PDE1C: variants seen among roughly 807,000 people sequenced by gnomAD.
The protein encoded by PDE1C is dual specificity calcium/calmodulin-dependent 3',5'-cyclic nucleotide phosphodiesterase 1C.
PDE1C carries 62 observed loss-of-function variants against 93.1 expected under a neutral mutation model. That is an observed-to-expected ratio of 0.67 (90% CI 0.54 to 0.82). The LOEUF is 0.82. PDE1C is among the 40% of genes least tolerant of loss of function. PDE1C has a pLI of 0.00. For missense variants in PDE1C, 742 were observed against 884.6 expected, an observed-to-expected ratio of 0.84 and a Z score of 2.04; for synonymous variants, 325 against 310.1, an observed-to-expected ratio of 1.05 and a Z score of -0.50.
At chr7:31,756,542 A>T (rs1264547812) in intron 17 of PDE1C, among the ~76,000 whole-genome samples, 3 of 152,158 alleles carry the variant, frequency 2.0e-5, no homozygotes, top group Non-Finnish European at 4.4e-5. Context: ...GAAAAATGAC[A>T]CTGGGTAACA....
chr7:31,694,229 C>T, the PDE1C span, among the ~76,000 whole-genome samples: 1 of 152,034 alleles, frequency 6.6e-6, no homozygotes. Context: ...GGAGTTAATA[C>T]AGATACATTT....
chr7:32,215,254 A>G (rs551421991), intron 1 of PDE1C, among the ~76,000 whole-genome samples: 24 of 152,252 alleles, frequency 1.6e-4, no homozygotes, highest in Non-Finnish European at 2.9e-4. Context: ...TGAACTGTGC[A>G]TGTGAGGGAT....
In PDE1C at chr7:32,084,408, C is replaced by T. The variant is rs1183791797; in HGVS notation, c.308+85377G>A. On this transcript the variant is annotated intron_variant, in intron 3 of 18. Coordinates refer to the PDE1C transcript ENST00000396193. ...ACTCCCACACAATAATAATGGGAGA[C>T]TTTAACACCCCACTGTCAACATTAG... Among the ~76,000 whole-genome samples, 44 of 149,000 alleles carry T rather than the reference C, an allele frequency of 3.0e-4. No homozygotes were observed. The East Asian group carries it at 8.7e-3, about 29-fold the overall frequency.
At chr7:31,892,878 T>G (rs983068881) in intron 2 of PDE1C, among the ~76,000 whole-genome samples, 1 of 152,134 alleles carries the variant, frequency 6.6e-6, no homozygotes, top group Non-Finnish European at 1.5e-5. Flanking sequence ...AATAATATAT[T>G]ATGTATTTCA....
chr7:32,135,537 A>T (rs1584829742), intron 3 of PDE1C, among the ~76,000 whole-genome samples: 2 of 152,218 alleles, frequency 1.3e-5, no homozygotes, highest in African/African-American at 4.8e-5. Flanking sequence ...AACATTACTA[A>T]CCATCAGAGA....
chr7:31,678,789 T>C, the PDE1C span, among the ~76,000 whole-genome samples: 2 of 152,184 alleles, frequency 1.3e-5, no homozygotes, highest in Non-Finnish European at 2.9e-5. Flanking sequence ...TGCTTTCTTT[T>C]CCAGTATATG....
At chr7:32,166,098 C>T (rs1802248681) in intron 3 of PDE1C, among the ~76,000 whole-genome samples, 1 of 151,552 alleles carries the variant, frequency 6.6e-6, no homozygotes, top group African/African-American at 2.4e-5. Flanking sequence ...TGTTATTTAG[C>T]TTGATTTAAT....
chr7:31,695,421 C>A, the PDE1C span: 3 of 1,526,760 alleles, frequency 2.0e-6, no homozygotes, highest in South Asian at 1.3e-5. Flanking sequence ...GTGACTGGAT[C>A]CTTAATCATG....
rs1297839038 is a variant in PDE1C at position 31,788,968 on chromosome 7, T to C, written c.1892-13236A>G. 42 of 152,172 alleles carry C rather than the reference T, an allele frequency of 2.8e-4. 1 individual carries two copies. Among genetic ancestry groups the C allele is most frequent in the Admixed American group, 2.7e-3 (42 of 15,274 alleles). The allele number at this position is 152,172 out of a possible 1,614,324, so 9.4% of individuals were successfully genotyped here. ...CCTTAGTAATAAAAGGACGTTTAAA[T>C]ATCTGTTCTCGTGCTTTTTCATGTA... On this transcript the variant is annotated intron_variant, in intron 16 of 17. Transcript: ENST00000396191.
rs145935778 is a variant in PDE1C at position 32,408,728 on chromosome 7, G to T, written c.310+19094C>A. On this transcript the variant is annotated intron_variant, in intron 1 of 1. Transcript: ENST00000672256. ...CGCTTGAACCCAGGAGGCGAAGGTT[G>T]CAGTGGGCCAAGATTATGCTGCTGC... Among the ~76,000 whole-genome samples the T allele has an allele frequency of 4.2e-3, 647 of 152,280 alleles. 2 individuals are homozygous for T. The highest frequency in any genetic ancestry group is 0.014 in the Middle Eastern group (4 of 294).
chr7:31,644,403 T>C, the PDE1C span, among the ~76,000 whole-genome samples: 1 of 152,246 alleles, frequency 6.6e-6, no homozygotes, highest in Non-Finnish European at 1.5e-5. Context: ...TAGGATTAAA[T>C]AAGAAGAACC....
intron 2 of PDE1C, among the ~76,000 whole-genome samples, chr7:31,927,928 T>C (rs1466369268): frequency 6.6e-6 from 1 of 151,954 alleles, no homozygotes; most frequent in East Asian, 1.9e-4. Context: ...CACAACTGGA[T>C]GGAGAATGAG....
chr7:31,942,016 G>C (rs572802373), intron 2 of PDE1C, among the ~76,000 whole-genome samples: 3 of 152,262 alleles, frequency 2.0e-5, no homozygotes, highest in East Asian at 3.9e-4. Flanking sequence ...CACCATAAAT[G>C]AGATATCATT....
At chr7:31,634,669 G>A in the PDE1C span, among the ~76,000 whole-genome samples, 1 of 152,152 alleles carries the variant, frequency 6.6e-6, no homozygotes, top group Non-Finnish European at 1.5e-5. Flanking sequence ...CAGGATGGGG[G>A]AACCAGCAGT....
At chr7:32,402,542 G>A (rs1371680558) in intron 1 of PDE1C, among the ~76,000 whole-genome samples, 2 of 152,090 alleles carry the variant, frequency 1.3e-5, no homozygotes, top group Non-Finnish European at 2.9e-5. Flanking sequence ...CAGACTGGAC[G>A]ATGCCCACCC....
chr7:32,117,514 T>C (rs563258403), intron 3 of PDE1C, among the ~76,000 whole-genome samples: 1 of 152,330 alleles, frequency 6.6e-6, no homozygotes, highest in South Asian at 2.1e-4. Context: ...GACTACAGTA[T>C]AGAACCCTTT....
At chr7:31,620,741 T>C in the PDE1C span, among the ~76,000 whole-genome samples, 3 of 151,850 alleles carry the variant, frequency 2.0e-5, no homozygotes, top group Admixed American at 2.0e-4. Context: ...TCACCAGCAA[T>C]GGAACAAAGC....
intron 5 of PDE1C, among the ~76,000 whole-genome samples, chr7:31,875,793 C>CTATATATATATA (rs71559206): frequency 0.017 from 722 of 42,900 alleles, 67 homozygotes; most frequent in Non-Finnish European, 0.023. Context: ...AAGCTTACAT[C>CTATATATATATA]TATATATATA....
rs867895864 is a variant in PDE1C at position 32,216,908 on chromosome 7, A to T, written c.86-7369T>A. ...AGAGAAGAGCCAGGCTGCAGCCTTT[A>T]TGCCTCTAGCCCCAGTGGGAGGAGG... On this transcript the variant is annotated intron_variant, in intron 1 of 18. Transcript: ENST00000396193. Among the ~76,000 whole-genome samples the T allele has an allele frequency of 3.3e-5, 5 of 152,080 alleles. No individual in the cohort carries two copies. The South Asian group carries it at 1.0e-3, about 32-fold the overall frequency.
Sources: gnomAD v4.1 joint callset for allele counts (sites outside exome capture counted in the v4.1 genomes callset) on GRCh38, gnomAD v4.1.1 for gene constraint, MANE v1.5 for transcripts, NCBI Gene and HGNC (gene_info 2026-07-23, HGNC 2026-07-21) for gene names.